The following CHD8 variants were observed in gnomAD, a reference collection of about 807,000 sequenced individuals.
The protein encoded by CHD8 is chromodomain helicase DNA binding protein 8, also known as ATP-dependent chromatin remodeler CHD8.
CHD8 carries 31 observed loss-of-function variants against 279.2 expected under a neutral mutation model. The observed-to-expected ratio is 0.11, with a 90% CI of 0.08 to 0.15. CHD8 has a LOEUF of 0.15. Among genes scored for constraint, CHD8 ranks in the 10% least tolerant of loss-of-function variants. The pLI is 1.00. For synonymous variants in CHD8, 1,081 were observed against 1,139.6 expected (o/e 0.95, Z 1.04); for missense variants, 2,146 against 3,230.5 (o/e 0.66, Z 8.14).
In CHD8 at chr14:21,403,868, G is replaced by A. The variant is rs1203909714; in HGVS notation, c.3308-205C>T. Among the ~76,000 whole-genome samples, 1 of 152,214 alleles carries A rather than the reference G, an allele frequency of 6.6e-6. No individual in the cohort carries two copies. Among genetic ancestry groups the A allele is most frequent in the Non-Finnish European group, 1.5e-5 (1 of 68,032 alleles). ...AATCCCAACACTTTGGGAGGCCGAGGCAGGTGGATCACTTGAGGTCAGGAG... is the reference window on the plus strand; with the variant it reads ...AATCCCAACACTTTGGGAGGCCGAGACAGGTGGATCACTTGAGGTCAGGAG... On this transcript the variant is annotated intron_variant, in intron 16 of 37. Transcript: ENST00000646647. This position sits in a 1 kb window ranked among gnomAD's most constrained non-coding sequence, Gnocchi z 4.3.
intron 8 of CHD8, 86 bp downstream of exon 8, chr14:21,414,852 G>C: frequency 1.1e-6 from 1 of 951,980 alleles, no homozygotes; most frequent in African/African-American, 1.6e-5. Context: ...ATAAAAAAGG[G>C]ACACATTCCC....
intron 14 of CHD8, 151 bp downstream of exon 14, chr14:21,406,705 G>T: frequency 1.6e-6 from 1 of 631,048 alleles, no homozygotes; most frequent in Non-Finnish European, 2.6e-6. Context: ...ACTTTTACAC[G>T]ACTTTCAGGT....
At chr14:21,392,959 C>T (rs1371751087) in intron 33 of CHD8, 147 bp downstream of exon 33, 10 of 1,148,410 alleles carry the variant, frequency 8.7e-6, no homozygotes, top group Admixed American at 3.0e-5. Context: ...CCTAAGTCAA[C>T]TGGGAAGTTT....
At chr14:21,433,243 G>C (rs117457467) in intron 1 of CHD8, among the ~76,000 whole-genome samples, 4 of 152,198 alleles carry the variant, frequency 2.6e-5, no homozygotes, top group African/African-American at 9.6e-5. Flanking sequence ...ATGGTAAAAA[G>C]CTTCCTATCT....
chr14:21,416,830 G>T (rs1009522364), intron 5 of CHD8, among the ~76,000 whole-genome samples: 3 of 151,904 alleles, frequency 2.0e-5, no homozygotes, highest in African/African-American at 7.3e-5. Context: ...AATTGGCTGG[G>T]AGTGGTGGCT....
chr14:21,436,699 GTA>G (rs1183771911), intron 1 of CHD8, among the ~76,000 whole-genome samples: 2 of 152,162 alleles, frequency 1.3e-5, no homozygotes, highest in Non-Finnish European at 2.9e-5. Flanking sequence ...TATAAGGCTG[GTA>G]AAGTAAGACC....
Position 21,402,079 on chromosome 14 carries a change from C to T in CHD8, c.3940G>A (p.Ala1314Thr). The change falls in exon 20 of 38, where the codon GCC (alanine) becomes ACC (threonine). Residue 1314 changes from alanine (A) to threonine (T), a missense_variant. This residue lies in a region of CHD8 where 35 missense variants were observed against 82.4 expected (regional missense o/e 0.42). Transcript: ENST00000646647. This position sits in a 1 kb window ranked among gnomAD's most constrained non-coding sequence, Gnocchi z 4.5. ...CCTTCATCATCTTCCTCCATGATGG[C>T]TGCATATGCTCCTTTTCTTAAAAGA... Reference protein sequence around the residue: ...EDLLRKGAYAAIMEEDDEGSK... With the variant: ...EDLLRKGAYATIMEEDDEGSK... 6.2e-7 allele frequency: 1 copy of T among 1,613,414 alleles called. No individual in the cohort carries two copies. Among genetic ancestry groups the T allele is most frequent in the Non-Finnish European group, 8.5e-7 (1 of 1,179,616 alleles).
In CHD8 at chr14:21,391,749, T is replaced by A. The variant is rs1004105659; in HGVS notation, c.6885+84A>T. On this transcript the variant is annotated intron_variant, in intron 35 of 37. Coordinates refer to ENST00000646647, the MANE Select transcript of CHD8 (RefSeq NM_001170629.2). ...ATGAAATGACTCTAGTATTTTCCAT[T>A]CCCCCAGTCCCACTGCCTTCATCAA... 12 of 1,516,038 alleles carry A rather than the reference T, an allele frequency of 7.9e-6. No homozygotes were observed. The Admixed American group carries it at 2.0e-4, about 25-fold the overall frequency. The allele number at this position is 1,516,038 out of a possible 1,614,324, so 93.9% of individuals were successfully genotyped here.
At chr14:21,415,062 C>A in intron 7 of CHD8, 69 bp from the exon 8 acceptor site, 1 of 997,470 alleles carries the variant, frequency 1.0e-6, no homozygotes, top group South Asian at 1.4e-5. Context: ...TAATTTTAAC[C>A]ACACATTGCA....
At chr14:21,444,932 C>T (rs1479773621) in intron 1 of CHD8, among the ~76,000 whole-genome samples, 1 of 152,162 alleles carries the variant, frequency 6.6e-6, no homozygotes, top group African/African-American at 2.4e-5. Context: ...TATCTCCCTG[C>T]TTAATCCATA....
intron 14 of CHD8, among the ~76,000 whole-genome samples, chr14:21,406,584 G>C (rs1234098449): frequency 1.5e-4 from 23 of 152,168 alleles, no homozygotes; most frequent in Non-Finnish European, 1.5e-5. Context: ...TATAGTTGTT[G>C]TAGGACATTA....
At chr14:21,414,820 C>T in intron 8 of CHD8, 118 bp downstream of exon 8, 3 of 736,998 alleles carry the variant, frequency 4.1e-6, no homozygotes, top group Non-Finnish European at 4.7e-6. Context: ...CCATTAAAAA[C>T]AGCAACCTGG....
intron 1 of CHD8, among the ~76,000 whole-genome samples, chr14:21,453,987 C>G (rs1306742353): frequency 4.0e-5 from 6 of 150,968 alleles, no homozygotes. Context: ...AACCCCGTCT[C>G]TACTAAAAAT....
chr14:21,434,122 C>T (rs976003578), intron 1 of CHD8, among the ~76,000 whole-genome samples: 13 of 151,078 alleles, frequency 8.6e-5, no homozygotes, highest in African/African-American at 1.5e-4. Context: ...CTCGGCTCAC[C>T]GCAACCTCTA....
intron 1 of CHD8, among the ~76,000 whole-genome samples, chr14:21,434,646 G>A (rs1044735629): frequency 6.6e-6 from 1 of 151,760 alleles, no homozygotes; most frequent in Non-Finnish European, 1.5e-5. Flanking sequence ...CTTCTAGTTC[G>A]GTCTATGCCT....
chr14:21,389,393 C>A (rs1887428875), intron 37 of CHD8, among the ~76,000 whole-genome samples: 1 of 151,920 alleles, frequency 6.6e-6, no homozygotes, highest in South Asian at 2.1e-4. Flanking sequence ...GGTGGATCAC[C>A]TGAGGTCGGG....
In CHD8 at chr14:21,415,005, G is replaced by A. The variant is rs758594122; in HGVS notation, c.1969-12C>T. On this transcript the variant is annotated splice_polypyrimidine_tract_variant and intron_variant, in intron 7 of 37. Coordinates refer to ENST00000646647, the MANE Select transcript of CHD8 (RefSeq NM_001170629.2). ...TGTCCAGAAGGGAGCTAAGAAAAAAGAAATAAATTAGTCACTAGTCCCTTA... is the reference window on the plus strand; with the variant it reads ...TGTCCAGAAGGGAGCTAAGAAAAAAAAAATAAATTAGTCACTAGTCCCTTA... 8 of 1,562,816 alleles carry A rather than the reference G, an allele frequency of 5.1e-6. No homozygotes were observed. The Admixed American group carries it at 7.4e-5, about 14-fold the overall frequency.
At position 21,408,997 on chromosome 14, in the gene CHD8, T is replaced by C. The variant is rs1035864537; in HGVS notation, c.2365-172A>G. On this transcript the variant is annotated intron_variant, in intron 11 of 37. Transcript: ENST00000646647. The surrounding 1 kb of genome is among the most constrained non-coding windows in gnomAD (Gnocchi z 4.3). ...ACGTTACTTTATGGGTCCATAATGA[T>C]CACAAATGGCTGACAACATCACAAA... 7.2e-5 allele frequency among the ~76,000 whole-genome samples: 11 copies of C among 152,206 alleles called. No individual in the cohort carries two copies. Among genetic ancestry groups the C allele is most frequent in the Admixed American group, 1.3e-4 (2 of 15,274 alleles).
intron 1 of CHD8, among the ~76,000 whole-genome samples, chr14:21,441,883 C>T (rs1048295172): frequency 9.3e-5 from 12 of 128,990 alleles, no homozygotes; most frequent in African/African-American, 3.0e-4. Flanking sequence ...AGCGAGACTC[C>T]ACCTCAAAAA....
Sources: gnomAD v4.1 joint callset for allele counts (sites outside exome capture counted in the v4.1 genomes callset) on GRCh38, gnomAD v4.1.1 for gene constraint, gnomAD v4.1.1 regional missense constraint, Gnocchi (gnomAD v3.1) non-coding constraint, MANE v1.5 for transcripts, NCBI Gene and HGNC (gene_info 2026-07-23, HGNC 2026-07-21) for gene names.